The following MOB2 variants were observed in gnomAD, a reference collection of about 807,000 sequenced individuals.
MOB2 encodes the protein MOB2 Mps One Binder homolog.
A neutral mutation model predicts 27.4 loss-of-function variants in MOB2; 14 were observed. The ratio of observed to expected loss-of-function variants is 0.51; its 90% CI spans 0.34 to 0.80. MOB2 has a LOEUF of 0.80. MOB2 is among the 30% of genes least tolerant of loss of function. MOB2 has a pLI of 0.01. For synonymous variants in MOB2, 167 were observed against 151.8 expected, an observed-to-expected ratio of 1.10 and a Z score of -0.74; for missense variants, 304 against 354.6, an observed-to-expected ratio of 0.86 and a Z score of 1.15.
At chr11:1,480,521 C>A in intron 2 of MOB2, 35 bp from the exon 3 acceptor site, 1 of 1,607,780 alleles carries the variant, frequency 6.2e-7, no homozygotes, top group Non-Finnish European at 8.5e-7. Flanking sequence ...ATGTGAAAAA[C>A]GCCAGAGCTG....
intron 3 of MOB2, among the ~76,000 whole-genome samples, chr11:1,474,859 T>C (rs1367222868): frequency 6.6e-6 from 1 of 152,280 alleles, no homozygotes; most frequent in Non-Finnish European, 1.5e-5. Flanking sequence ...AGTTTCACAG[T>C]AAGTCTCAAA....
intron 1 of MOB2, among the ~76,000 whole-genome samples, chr11:1,485,979 G>A (rs1228765716): frequency 1.3e-5 from 2 of 152,252 alleles, no homozygotes; most frequent in African/African-American, 2.4e-5. Flanking sequence ...GACAGACTCC[G>A]GGTCACCTCT....
intron 3 of MOB2, among the ~76,000 whole-genome samples, chr11:1,479,210 G>A (rs930651398): frequency 2.6e-5 from 4 of 152,198 alleles, no homozygotes; most frequent in Admixed American, 2.0e-4. Context: ...GTCTGCCCAG[G>A]AGCAGAGGCG....
intron 2 of MOB2, 87 bp downstream of exon 2, chr11:1,480,638 G>C (rs1195842086): frequency 6.5e-7 from 1 of 1,535,554 alleles, no homozygotes; most frequent in Admixed American, 1.8e-5. Context: ...GGGCTGCTGA[G>C]CACCAGCCGT....
At chr11:1,477,208 G>T (rs1038930547) in intron 3 of MOB2, among the ~76,000 whole-genome samples, 16 of 152,170 alleles carry the variant, frequency 1.1e-4, no homozygotes, top group Admixed American at 1.0e-3. Context: ...TTTGCTTTGT[G>T]TGGAAAGCCC....
intron 1 of MOB2, 28 bp downstream of exon 1, chr11:1,486,419 C>T: frequency 6.7e-7 from 1 of 1,495,034 alleles, no homozygotes; most frequent in Non-Finnish European, 9.0e-7. Flanking sequence ...CTACACACCC[C>T]TCCCCCAGCC....
At chr11:1,485,758 C>T (rs1332349562) in intron 1 of MOB2, among the ~76,000 whole-genome samples, 3 of 152,110 alleles carry the variant, frequency 2.0e-5, no homozygotes, top group African/African-American at 4.8e-5. Flanking sequence ...CGGGTGCACG[C>T]TCCCACACAC....
intron 1 of MOB2, chr11:1,481,454 G>A (rs1455285280): frequency 6.0e-6 from 1 of 165,946 alleles, no homozygotes; most frequent in Non-Finnish European, 1.3e-5. Flanking sequence ...CCAGGCCTGG[G>A]GAGGCCACAG....
intron 1 of MOB2, among the ~76,000 whole-genome samples, chr11:1,484,647 G>A (rs979359132): frequency 1.3e-5 from 2 of 152,092 alleles, no homozygotes; most frequent in Admixed American, 6.5e-5. Flanking sequence ...GGTGCTTGGC[G>A]CCACCCCCAC....
intron 1 of MOB2, among the ~76,000 whole-genome samples, chr11:1,482,587 G>C (rs955856049): frequency 6.6e-6 from 1 of 152,196 alleles, no homozygotes; most frequent in Admixed American, 6.5e-5. Flanking sequence ...AGAAAAGTAC[G>C]CACGAGGCCC....
chr11:1,479,557 C>T (rs747289617), intron 3 of MOB2, among the ~76,000 whole-genome samples: 3 of 152,220 alleles, frequency 2.0e-5, no homozygotes, highest in Non-Finnish European at 2.9e-5. Context: ...GCCAAGGGGA[C>T]GCCTGCCAGC....
In MOB2 at chr11:1,471,257, A is replaced by G. The variant is rs370012018; in HGVS notation, c.490+38T>C. 221 of 1,592,296 alleles carry G rather than the reference A, an allele frequency of 1.4e-4. No individual in the cohort carries two copies. In the African/African-American group the frequency reaches 2.5e-3, roughly 18 times the overall value. ...ACACGTCCTGAATGCTCCCTGCCCCACTGTGAGGATGACCGCCCAGTGCTG... is the reference window on the plus strand; with the variant it reads ...ACACGTCCTGAATGCTCCCTGCCCCGCTGTGAGGATGACCGCCCAGTGCTG... On this transcript the variant is annotated intron_variant, in intron 4 of 4. Transcript: ENST00000329957.
intron 3 of MOB2, chr11:1,471,796 C>CG: frequency 5.8e-6 from 1 of 171,550 alleles, no homozygotes; most frequent in Non-Finnish European, 1.2e-5. Context: ...ATTTTGAAAG[C>CG]ACACAGAGGC....
At chr11:1,474,507 G>A (rs542854135) in intron 3 of MOB2, among the ~76,000 whole-genome samples, 29 of 152,342 alleles carry the variant, frequency 1.9e-4, no homozygotes, top group African/African-American at 6.3e-4. Context: ...ATAGGTCAGC[G>A]TTTGGTTTTT....
intron 3 of MOB2, among the ~76,000 whole-genome samples, chr11:1,480,002 C>G (rs1314917375): frequency 2.0e-5 from 3 of 152,240 alleles, no homozygotes; most frequent in Non-Finnish European, 4.4e-5. Flanking sequence ...ACTGAGCCCC[C>G]ATGAAATGAA....
intron 3 of MOB2, among the ~76,000 whole-genome samples, chr11:1,475,384 G>A (rs954632764): frequency 6.6e-6 from 1 of 152,090 alleles, no homozygotes; most frequent in African/African-American, 2.4e-5. Flanking sequence ...AGACCCCCAG[G>A]GGATGCCTGA....
At chr11:1,485,301 C>T (rs1445741823) in intron 1 of MOB2, among the ~76,000 whole-genome samples, 1 of 152,162 alleles carries the variant, frequency 6.6e-6, no homozygotes, top group East Asian at 1.9e-4. Flanking sequence ...GGCACAGGCA[C>T]ACACACACAC....
chr11:1,486,378 C>A, intron 1 of MOB2, 69 bp downstream of exon 1: 1 of 1,274,316 alleles, frequency 7.8e-7, no homozygotes, highest in South Asian at 1.3e-5. Context: ...TGACCTCCTT[C>A]CTGGGGGCAA....
chr11:1,479,115 C>T (rs1375443486), intron 3 of MOB2, among the ~76,000 whole-genome samples: 1 of 152,226 alleles, frequency 6.6e-6, no homozygotes, highest in Non-Finnish European at 1.5e-5. Context: ...CCACATCCTA[C>T]ACTCCTCCAA....
Sources: gnomAD v4.1 joint callset for allele counts (sites outside exome capture counted in the v4.1 genomes callset) on GRCh38, gnomAD v4.1.1 for gene constraint, MANE v1.5 for transcripts, NCBI Gene and HGNC (gene_info 2026-07-23, HGNC 2026-07-21) for gene names.